The following HSDL2 variants were observed in gnomAD, a reference collection of about 807,000 sequenced individuals.
The protein encoded by HSDL2 is hydroxysteroid dehydrogenase-like protein 2.
Under a neutral mutation model 46.3 loss-of-function variants are expected in HSDL2, and 27 were observed. The observed-to-expected ratio is 0.58, with a 90% CI of 0.43 to 0.80. The LOEUF (loss-of-function observed/expected upper bound fraction) is 0.80, where lower values mean the gene tolerates loss of function less well. Ranked by LOEUF, HSDL2 falls within the 30% of genes least tolerant of loss-of-function variation. The probability of loss-of-function intolerance (pLI) is 0.00; values close to 1 mark genes in which losing one functional copy is unlikely to be tolerated. For synonymous variants in HSDL2, 153 were observed against 163.6 expected, an observed-to-expected ratio of 0.94 and a Z score of 0.50; for missense variants, 451 against 502.7, an observed-to-expected ratio of 0.90 and a Z score of 0.98.
intron 1 of HSDL2, among the ~76,000 whole-genome samples, chr9:112,389,412 G>A (rs7857421): frequency 0.027 from 4,145 of 152,240 alleles, 145 homozygotes; most frequent in East Asian, 0.1. Flanking sequence ...CTAAATCATT[G>A]GGGTAAAATA....
At chr9:112,456,742 C>T (rs1024424504) in intron 9 of HSDL2, among the ~76,000 whole-genome samples, 1 of 152,160 alleles carries the variant, frequency 6.6e-6, no homozygotes, top group African/African-American at 2.4e-5. Context: ...AGCCTGAAAA[C>T]GTCCAAAACA....
chr9:112,464,361 T>G (rs187034892), intron 10 of HSDL2, among the ~76,000 whole-genome samples: 17 of 152,352 alleles, frequency 1.1e-4, no homozygotes, highest in Admixed American at 1.1e-3. Flanking sequence ...TCCTAGTATG[T>G]GGTTTCTCTT....
chr9:112,383,873 A>T (rs1034138182), intron 1 of HSDL2, among the ~76,000 whole-genome samples: 2 of 151,960 alleles, frequency 1.3e-5, no homozygotes, highest in Non-Finnish European at 2.9e-5. Context: ...GGCTATTTTT[A>T]AAAAATTTTT....
At chr9:112,460,587 G>A (rs531928097) in intron 10 of HSDL2, among the ~76,000 whole-genome samples, 1 of 152,172 alleles carries the variant, frequency 6.6e-6, no homozygotes, top group African/African-American at 2.4e-5. Flanking sequence ...TGTCTCTACA[G>A]AAAATACAAA....
At chr9:112,441,675 A>C in intron 7 of HSDL2, 24 bp from the exon 8 acceptor site, 1 of 1,537,896 alleles carries the variant, frequency 6.5e-7, no homozygotes, top group African/African-American at 1.4e-5. Flanking sequence ...ACATTAACCT[A>C]ATGGTTTGGG....
At chr9:112,394,920 G>A (rs1409748229) in intron 1 of HSDL2, among the ~76,000 whole-genome samples, 1 of 152,182 alleles carries the variant, frequency 6.6e-6, no homozygotes, top group Non-Finnish European at 1.5e-5. Context: ...CCAGGTGAGA[G>A]GTCGAATAAG....
intron 1 of HSDL2, among the ~76,000 whole-genome samples, chr9:112,385,092 G>A (rs966864499): frequency 7.6e-6 from 1 of 131,680 alleles, no homozygotes; most frequent in African/African-American, 3.0e-5. Context: ...ACTTGTGCAA[G>A]ACTGTCAAAA....
chr9:112,465,564 TCATTCTCACCTC>T (rs1167625081), intron 10 of HSDL2, among the ~76,000 whole-genome samples: 1 of 152,252 alleles, frequency 6.6e-6, no homozygotes, highest in African/African-American at 2.4e-5. Context: ...TAAGCACTTC[TCATTCTCACCTC>T]CCCTGGCAAC....
chr9:112,406,131 A>G (rs1212784086), intron 3 of HSDL2, among the ~76,000 whole-genome samples: 2 of 151,656 alleles, frequency 1.3e-5, no homozygotes, highest in Non-Finnish European at 2.9e-5. Flanking sequence ...ACTGCATTCC[A>G]GCCTGGGTGA....
intron 6 of HSDL2, among the ~76,000 whole-genome samples, chr9:112,431,780 A>T (rs772370465): frequency 1.5e-4 from 23 of 152,132 alleles, no homozygotes; most frequent in Admixed American, 7.2e-4. Flanking sequence ...CCTCCCCAGA[A>T]GCCAAGTGAT....
At chr9:112,460,661 T>C (rs1833177646) in intron 10 of HSDL2, among the ~76,000 whole-genome samples, 1 of 152,106 alleles carries the variant, frequency 6.6e-6, no homozygotes, top group Non-Finnish European at 1.5e-5. Flanking sequence ...GTAGGAGGAT[T>C]GCCTGAGCCC....
intron 6 of HSDL2, among the ~76,000 whole-genome samples, chr9:112,429,975 CAG>C (rs1463747189): frequency 2.0e-5 from 3 of 151,826 alleles, no homozygotes; most frequent in Non-Finnish European, 4.4e-5. Flanking sequence ...CCCAACTACT[CAG>C]GGGGCTGAGG....
chr9:112,459,936 G>A (rs1026449259), intron 10 of HSDL2, among the ~76,000 whole-genome samples: 2 of 152,144 alleles, frequency 1.3e-5, no homozygotes, highest in African/African-American at 2.4e-5. Flanking sequence ...GCAGCAGTTC[G>A]CTTATTGGGA....
chr9:112,399,905 A>G (rs1308796769), intron 1 of HSDL2, among the ~76,000 whole-genome samples: 3 of 152,206 alleles, frequency 2.0e-5, no homozygotes, highest in Non-Finnish European at 2.9e-5. Context: ...AGTTAACACA[A>G]TTATCACAGT....
At chr9:112,424,326 A>AG (rs1019892895) in intron 6 of HSDL2, among the ~76,000 whole-genome samples, 1 of 151,712 alleles carries the variant, frequency 6.6e-6, no homozygotes, top group Non-Finnish European at 1.5e-5. Flanking sequence ...ATCTCAAAAA[A>AG]AAAAAAAAAA....
At chr9:112,448,571 C>T (rs1374073149) in intron 8 of HSDL2, among the ~76,000 whole-genome samples, 3 of 151,574 alleles carry the variant, frequency 2.0e-5, no homozygotes, top group Non-Finnish European at 2.9e-5. Context: ...TTTATTGAGA[C>T]GGAGTCTTGC....
At chr9:112,435,300 A>C (rs1201544472) in intron 6 of HSDL2, among the ~76,000 whole-genome samples, 1 of 152,114 alleles carries the variant, frequency 6.6e-6, no homozygotes, top group Non-Finnish European at 1.5e-5. Context: ...TAGAGTTTTT[A>C]AGGATTCTTG....
At chr9:112,384,895 A>C (rs1039042971) in intron 1 of HSDL2, among the ~76,000 whole-genome samples, 1 of 151,924 alleles carries the variant, frequency 6.6e-6, no homozygotes, top group Non-Finnish European at 1.5e-5. Context: ...GCATCGAAAG[A>C]AAAACAGGAA....
intron 8 of HSDL2, among the ~76,000 whole-genome samples, chr9:112,452,550 C>G (rs1204893922): frequency 6.6e-6 from 1 of 152,032 alleles, no homozygotes; most frequent in Non-Finnish European, 1.5e-5. Context: ...AGTTTGAGAC[C>G]AGCCTGGCCA....
Sources: allele counts gnomAD v4.1 joint callset (sites outside exome capture counted in the v4.1 genomes callset), GRCh38; gene constraint gnomAD v4.1.1; transcripts MANE v1.5; gene names NCBI Gene and HGNC (gene_info 2026-07-23, HGNC 2026-07-21).